PRKG1: variants seen among roughly 807,000 people sequenced by gnomAD.
PRKG1 encodes cGMP-dependent protein kinase 1.
PRKG1 carries 35 observed loss-of-function variants against 88.1 expected under a neutral mutation model. That is an observed-to-expected ratio of 0.40 (90% CI 0.30 to 0.53). PRKG1 has a LOEUF of 0.53. PRKG1 is among the 20% of genes least tolerant of loss of function. The probability of loss-of-function intolerance (pLI) is 0.59; values close to 1 mark genes in which losing one functional copy is unlikely to be tolerated. For synonymous variants in PRKG1, 303 were observed against 292.5 expected, an observed-to-expected ratio of 1.04 and a Z score of -0.37; for missense variants, 540 against 839.8, an observed-to-expected ratio of 0.64 and a Z score of 4.41.
At chr10:51,992,381 T>TAA (rs572326447) in intron 5 of PRKG1, among the ~76,000 whole-genome samples, 81 of 150,922 alleles carry the variant, frequency 5.4e-4, no homozygotes, top group African/African-American at 1.9e-3. Flanking sequence ...ATTTCCTTTT[T>TAA]AAAAAAAAAA....
chr10:52,109,622 C>A (rs921088170), intron 7 of PRKG1, among the ~76,000 whole-genome samples: 1 of 150,360 alleles, frequency 6.7e-6, no homozygotes, highest in Non-Finnish European at 1.5e-5. Flanking sequence ...CAAAAATTAG[C>A]TGGGAGTGGT....
At chr10:51,304,181 T>C (rs1840971511) in intron 2 of PRKG1, among the ~76,000 whole-genome samples, 1 of 152,224 alleles carries the variant, frequency 6.6e-6, no homozygotes, top group African/African-American at 2.4e-5. Context: ...AGAATTTTCT[T>C]TGGAAGAAAA....
At chr10:51,670,667 C>T (rs565221379) in intron 3 of PRKG1, among the ~76,000 whole-genome samples, 128 of 147,684 alleles carry the variant, frequency 8.7e-4, no homozygotes, top group Middle Eastern at 3.5e-3. Context: ...ACCCGGGAGG[C>T]AGAGCTTGCA....
intron 2 of PRKG1, among the ~76,000 whole-genome samples, chr10:51,405,252 AAAGTC>A (rs973172321): frequency 1.3e-5 from 2 of 152,190 alleles, no homozygotes; most frequent in African/African-American, 4.8e-5. Context: ...ATCATAAAAT[AAAGTC>A]AAGTCAAGCC....
At chr10:51,105,284 G>A (rs1429689886) in intron 1 of PRKG1, among the ~76,000 whole-genome samples, 1 of 152,214 alleles carries the variant, frequency 6.6e-6, no homozygotes, top group Non-Finnish European at 1.5e-5. Context: ...AAAAGGATAT[G>A]TATAATGTGA....
rs7082257 is a variant in PRKG1, at chr10:51,602,784, A to G, written c.592+134948A>G. Among the ~76,000 whole-genome samples the G allele has an allele frequency of 2.3e-3, 207 of 88,106 alleles. 6 individuals are homozygous for G. The Middle Eastern group carries it at 0.058, about 25-fold the overall frequency. The allele number at this position is 88,106 out of a possible 152,430, so 57.8% of individuals were successfully genotyped here. A position where few individuals can be genotyped will look rare whatever the true frequency, so the allele number is the denominator to read the frequency against. On this transcript the variant is annotated intron_variant, in intron 3 of 17. Transcript: ENST00000373980. Reference sequence around the variant, plus strand: ...TGTGTGTGTGTGTGTGTGTGTGTATATATTCATATATATATTAATTTTCCA... The same window carrying G: ...TGTGTGTGTGTGTGTGTGTGTGTATGTATTCATATATATATTAATTTTCCA...
chr10:52,125,253 G>A (rs1317170433), intron 7 of PRKG1, among the ~76,000 whole-genome samples: 2 of 151,994 alleles, frequency 1.3e-5, no homozygotes, highest in Non-Finnish European at 2.9e-5. Flanking sequence ...TTAGAATCAT[G>A]GGACTATTGT....
chr10:51,939,863 G>A lies in PRKG1; in HGVS notation c.762+32293G>A, dbSNP rs141293316. ...TTGCTATGAAAAGTTATGCTGATGA[G>A]TGATCCTGTTTACATTCTCTTAGTT... On this transcript the variant is annotated intron_variant, in intron 5 of 17. Transcript: ENST00000373980. Among the ~76,000 whole-genome samples the A allele has an allele frequency of 2.6e-3, 389 of 151,984 alleles. 5 individuals carry two copies. Among genetic ancestry groups the A allele is most frequent in the African/African-American group, 8.7e-3 (361 of 41,386 alleles).
chr10:52,011,925 T>A (rs1337619908), intron 5 of PRKG1, among the ~76,000 whole-genome samples: 4 of 152,196 alleles, frequency 2.6e-5, no homozygotes, highest in Admixed American at 2.0e-4. Context: ...CCTCTCTCTT[T>A]GCCTGCTGCC....
intron 2 of PRKG1, among the ~76,000 whole-genome samples, chr10:51,313,263 G>A (rs1169355096): frequency 2.0e-5 from 3 of 152,146 alleles, no homozygotes; most frequent in Non-Finnish European, 4.4e-5. Flanking sequence ...GGCCCTATAA[G>A]AGAGAGGTGA....
intron 2 of PRKG1, among the ~76,000 whole-genome samples, chr10:51,356,936 G>A (rs992484143): frequency 6.6e-6 from 1 of 151,918 alleles, no homozygotes; most frequent in African/African-American, 2.4e-5. Flanking sequence ...AAATGTGTAG[G>A]AGCTCTTATT....
chr10:51,371,624 C>T (rs1440397658), intron 2 of PRKG1, among the ~76,000 whole-genome samples: 2 of 152,094 alleles, frequency 1.3e-5, no homozygotes, highest in Non-Finnish European at 2.9e-5. Flanking sequence ...TTCCCATCTG[C>T]CAGCAGTGCC....
chr10:52,270,913 T>G (rs1841710503), intron 10 of PRKG1, among the ~76,000 whole-genome samples: 1 of 151,840 alleles, frequency 6.6e-6, no homozygotes, highest in African/African-American at 2.4e-5. Context: ...ATTAGAAATG[T>G]TTGTGGATTA....
At chr10:52,280,761 C>A in intron 12 of PRKG1, 28 bp from the exon 13 acceptor site, 2 of 1,596,380 alleles carry the variant, frequency 1.3e-6, no homozygotes, top group Non-Finnish European at 1.7e-6. Context: ...ATTTTTTATA[C>A]AATTTTCATT....
intron 2 of PRKG1, among the ~76,000 whole-genome samples, chr10:51,431,133 G>T (rs1270001290): frequency 6.6e-6 from 1 of 152,158 alleles, no homozygotes; most frequent in Non-Finnish European, 1.5e-5. Context: ...AGGGTGAGCT[G>T]CTCCCTGTCA....
At chr10:51,634,467 C>T (rs1171158171) in intron 3 of PRKG1, among the ~76,000 whole-genome samples, 1 of 152,110 alleles carries the variant, frequency 6.6e-6, no homozygotes, top group Non-Finnish European at 1.5e-5. Flanking sequence ...AGGGAAGATA[C>T]ATCATCTGAT....
intron 3 of PRKG1, among the ~76,000 whole-genome samples, chr10:51,797,782 T>C (rs191122786): frequency 1.3e-5 from 2 of 151,820 alleles, no homozygotes; most frequent in East Asian, 1.9e-4. Context: ...ACTGAACTTA[T>C]TAAAGGGTAG....
At chr10:52,124,143 A>G (rs1847880870) in intron 7 of PRKG1, among the ~76,000 whole-genome samples, 1 of 152,170 alleles carries the variant, frequency 6.6e-6, no homozygotes, top group African/African-American at 2.4e-5. Context: ...ACAGAGTAAG[A>G]CTTAATTAAG....
chr10:51,145,692 GAA>G lies in PRKG1; in HGVS notation c.312-7471_312-7470del, dbSNP rs59398446. On this transcript the variant is annotated intron_variant, in intron 1 of 17. Coordinates refer to ENST00000373980, the MANE Select transcript of PRKG1 (RefSeq NM_006258.4). Reference sequence around the variant, plus strand: ...TAATATTGACGTTTTGGAAGTGGATGAACACCTAAAAGAACAACAATTTTCTT... The same window carrying G: ...TAATATTGACGTTTTGGAAGTGGATGCACCTAAAAGAACAACAATTTTCTT... Among the ~76,000 whole-genome samples the G allele has an allele frequency of 4.2e-3, 644 of 152,216 alleles. 12 individuals carry two copies. Among genetic ancestry groups the G allele is most frequent in the African/African-American group, 0.015 (611 of 41,522 alleles).
Sources: gnomAD v4.1 joint callset for allele counts (sites outside exome capture counted in the v4.1 genomes callset) on GRCh38, gnomAD v4.1.1 for gene constraint, MANE v1.5 for transcripts, NCBI Gene and HGNC (gene_info 2026-07-23, HGNC 2026-07-21) for gene names.